MACF1: variants seen among roughly 807,000 people sequenced by gnomAD.
MACF1 encodes microtubule-actin cross-linking factor 1.
Under a neutral mutation model 854.8 loss-of-function variants are expected in MACF1, and 193 were observed. The ratio of observed to expected loss-of-function variants is 0.23; its 90% confidence interval spans 0.20 to 0.25. MACF1 has a LOEUF of 0.25. Ranked by LOEUF, MACF1 falls within the 10% of genes least tolerant of loss-of-function variation. The probability of loss-of-function intolerance (pLI) is 1.00; values close to 1 mark genes in which losing one functional copy is unlikely to be tolerated. For missense variants in MACF1, 7,722 were observed against 8,929.1 expected (o/e 0.86, Z 5.45); for synonymous variants, 3,185 against 3,226.7 (o/e 0.99, Z 0.44).
intron 2 of MACF1, among the ~76,000 whole-genome samples, chr1:39,140,604 G>A (rs1247610674): frequency 6.6e-6 from 1 of 152,162 alleles, no homozygotes; most frequent in East Asian, 1.9e-4. Context: ...TAGTTAATAA[G>A]AGCTTATAGG....
intron 2 of MACF1, among the ~76,000 whole-genome samples, chr1:39,238,014 G>A (rs908847235): frequency 2.0e-5 from 3 of 151,990 alleles, no homozygotes; most frequent in Admixed American, 6.6e-5. Flanking sequence ...AAACCATTAC[G>A]ACAGCATTTC....
intron 58 of MACF1, chr1:39,411,400 T>C (rs1642997015): frequency 2.5e-6 from 4 of 1,614,046 alleles, no homozygotes; most frequent in African/African-American, 1.3e-5. Flanking sequence ...ATCCGATTGC[T>C]TAGCTGCTGT....
In MACF1 at chr1:39,442,326, G is replaced by A; in HGVS notation, c.18948+6G>A. The A allele has an allele frequency of 1.3e-6, 2 of 1,597,176 alleles. No homozygotes were observed. Among genetic ancestry groups the A allele is most frequent in the African/African-American group, 1.4e-5 (1 of 74,034 alleles). On this transcript the variant is annotated splice_donor_region_variant and intron_variant, in intron 76 of 100. Coordinates refer to ENST00000564288, the MANE Select transcript of MACF1 (RefSeq NM_001394062.1). The stretch of plus-strand genomic sequence containing the variant: ...AGAAAATTGCCCACCGACAGGTAAG[G>A]CAGGTGGTAGATGACATCAGTGAAC...
intron 43 of MACF1, among the ~76,000 whole-genome samples, chr1:39,351,228 C>T (rs1210753251): frequency 2.0e-5 from 3 of 152,120 alleles, no homozygotes; most frequent in Non-Finnish European, 4.4e-5. Flanking sequence ...CTTACTGCAA[C>T]CTCTGCCTGC....
At chr1:39,166,759 T>C (rs1557493401) in intron 2 of MACF1, among the ~76,000 whole-genome samples, 2 of 151,482 alleles carry the variant, frequency 1.3e-5, no homozygotes, top group Non-Finnish European at 2.9e-5. Context: ...CAGCACTAGA[T>C]ATTTTTAAGA....
intron 52 of MACF1, among the ~76,000 whole-genome samples, chr1:39,374,717 T>C (rs1649558989): frequency 6.6e-6 from 1 of 152,174 alleles, no homozygotes; most frequent in Non-Finnish European, 1.5e-5. Flanking sequence ...TGATGAGCTG[T>C]AGTTTACTGA....
intron 1 of MACF1, among the ~76,000 whole-genome samples, chr1:39,223,145 A>G (rs889102620): frequency 2.0e-5 from 3 of 152,228 alleles, no homozygotes; most frequent in African/African-American, 7.2e-5. Context: ...GGGGAGAGCT[A>G]TATTCACAGA....
At chr1:39,232,757 T>G (rs530000757) in intron 2 of MACF1, among the ~76,000 whole-genome samples, 9,684 of 149,734 alleles carry the variant, frequency 0.065, 405 homozygotes, top group Non-Finnish European at 0.082. Flanking sequence ...TTTTTTTTTT[T>G]TTTTTTTTTT....
At chr1:39,408,903 T>C (rs2148607619) in intron 58 of MACF1, among the ~76,000 whole-genome samples, 1 of 151,660 alleles carries the variant, frequency 6.6e-6, no homozygotes, top group African/African-American at 2.4e-5. Context: ...CTCCCTCCAC[T>C]CTCGGAGTCG....
chr1:39,124,060 T>C (rs1642799492), intron 2 of MACF1, among the ~76,000 whole-genome samples: 1 of 150,698 alleles, frequency 6.6e-6, no homozygotes, highest in South Asian at 2.1e-4. Context: ...TTTTTTTTTT[T>C]TTTTTTGTAG....
At chr1:39,197,473 T>C (rs1644334245) in intron 2 of MACF1, among the ~76,000 whole-genome samples, 1 of 152,208 alleles carries the variant, frequency 6.6e-6, no homozygotes, top group Non-Finnish European at 1.5e-5. Context: ...GGTATATGAT[T>C]TTCTAATTAC....
At chr1:39,350,201 A>G (rs562291232) in intron 42 of MACF1, among the ~76,000 whole-genome samples, 1 of 152,324 alleles carries the variant, frequency 6.6e-6, no homozygotes, top group African/African-American at 2.4e-5. Context: ...GAAATGAAAG[A>G]TATGTAGGCG....
At chr1:39,239,453 C>T (rs1259189740) in intron 2 of MACF1, among the ~76,000 whole-genome samples, 1 of 152,156 alleles carries the variant, frequency 6.6e-6, no homozygotes, top group East Asian at 1.9e-4. Context: ...ACTTCTGATC[C>T]AATCTTAAAA....
intron 47 of MACF1, 74 bp from the exon 48 acceptor site, chr1:39,360,710 TTTAATAATA>T: frequency 2.9e-6 from 1 of 350,622 alleles, no homozygotes; most frequent in Non-Finnish European, 4.4e-6. Context: ...TTATTTATTA[TTTAATAATA>T]TTAATAATAA....
At chr1:39,397,540 C>CA (rs1229802648) in intron 58 of MACF1, among the ~76,000 whole-genome samples, 1 of 150,394 alleles carries the variant, frequency 6.6e-6, no homozygotes, top group Non-Finnish European at 1.5e-5. Context: ...CCAGCCTGGG[C>CA]AACGAGCGAA....
intron 6 of MACF1, among the ~76,000 whole-genome samples, chr1:39,271,585 T>A (rs1645322923): frequency 6.6e-6 from 1 of 152,138 alleles, no homozygotes; most frequent in South Asian, 2.1e-4. Flanking sequence ...TAAAAAAGAA[T>A]GTCAAAGTCA....
At chr1:39,385,957 G>A (rs1641755334) in intron 57 of MACF1, 28 bp downstream of exon 57, 1 of 1,571,558 alleles carries the variant, frequency 6.4e-7, no homozygotes, top group South Asian at 1.2e-5. Flanking sequence ...ACATACTTCT[G>A]CCATTATTAG....
At position 39,376,485 on chromosome 1, in the gene MACF1, T is replaced by C. The variant is rs115283741; in HGVS notation, c.13214-1976T>C. 1.0e-3 allele frequency among the ~76,000 whole-genome samples: 156 copies of C among 152,302 alleles called. 1 individual carries two copies. The highest frequency in any genetic ancestry group is 3.6e-3 in the African/African-American group (149 of 41,560). ...ACCCCATGAGAGTTAACAGGATAGG[T>C]TGTATTATCTTTAAATCCTGCAGAA... On this transcript the variant is annotated intron_variant, in intron 52 of 100. Coordinates refer to ENST00000564288, the MANE Select transcript of MACF1 (RefSeq NM_001394062.1).
chr1:39,372,753 C>A, intron 52 of MACF1, 157 bp downstream of exon 52: 2 of 612,376 alleles, frequency 3.3e-6, no homozygotes. Flanking sequence ...GACCTGTCAC[C>A]CCTTTTGCTA....
Sources: gnomAD v4.1 joint callset for allele counts (sites outside exome capture counted in the v4.1 genomes callset) on GRCh38, gnomAD v4.1.1 for gene constraint, MANE v1.5 for transcripts, NCBI Gene and HGNC (gene_info 2026-07-23, HGNC 2026-07-21) for gene names.